EPS15: variants seen among roughly 807,000 people sequenced by gnomAD.
EPS15 encodes the protein epidermal growth factor receptor pathway substrate 15.
Under a neutral mutation model 113.8 loss-of-function variants are expected in EPS15, and 72 were observed. That is an observed-to-expected ratio of 0.63 (90% CI 0.52 to 0.77). The LOEUF is 0.77. Ranked by LOEUF, EPS15 falls within the 30% of genes least tolerant of loss-of-function variation. The pLI is 0.00. For synonymous variants in EPS15, 344 were observed against 363.4 expected, an observed-to-expected ratio of 0.95 and a Z score of 0.61; for missense variants, 1,048 against 1,045.8, an observed-to-expected ratio of 1.00 and a Z score of -0.03.
At chr1:51,390,220 T>C (rs1362822817) in intron 21 of EPS15, among the ~76,000 whole-genome samples, 1 of 152,152 alleles carries the variant, frequency 6.6e-6, no homozygotes, top group East Asian at 1.9e-4. Context: ...GAGGAAAGGA[T>C]TCCCTATTTA....
At chr1:51,463,966 A>G (rs945639246) in intron 6 of EPS15, among the ~76,000 whole-genome samples, 168 bp from the exon 7 acceptor site, 1 of 152,204 alleles carries the variant, frequency 6.6e-6, no homozygotes, top group African/African-American at 2.4e-5. Context: ...GATACGCAAG[A>G]AAAAAATACA....
intron 1 of EPS15, among the ~76,000 whole-genome samples, chr1:51,487,480 AC>A (rs1219246664): frequency 6.6e-6 from 1 of 152,146 alleles, no homozygotes; most frequent in Non-Finnish European, 1.5e-5. Context: ...TATTTGTAGT[AC>A]CCCCTTTCAT....
chr1:51,431,021 CACACACA>C (rs1452386083), intron 12 of EPS15, among the ~76,000 whole-genome samples: 23 of 129,548 alleles, frequency 1.8e-4, no homozygotes, highest in Non-Finnish European at 2.5e-4. Context: ...CACACACACA[CACACACA>C]AAAATAAAAC....
At chr1:51,386,460 C>T (rs953072587) in intron 21 of EPS15, among the ~76,000 whole-genome samples, 1 of 152,162 alleles carries the variant, frequency 6.6e-6, no homozygotes, top group Non-Finnish European at 1.5e-5. Flanking sequence ...GCAGCATTTG[C>T]GGTTCAAGAA....
At chr1:51,413,190 T>G (rs1435176702) in intron 13 of EPS15, among the ~76,000 whole-genome samples, 1 of 152,190 alleles carries the variant, frequency 6.6e-6, no homozygotes, top group Non-Finnish European at 1.5e-5. Flanking sequence ...ACACCATATG[T>G]ACCTGGAAAC....
At chr1:51,423,131 T>C (rs1570270751) in intron 12 of EPS15, 2 of 1,109,022 alleles carry the variant, frequency 1.8e-6, no homozygotes, top group African/African-American at 3.2e-5. Flanking sequence ...AAGATGTCTA[T>C]GGAAGAAAGC....
intron 8 of EPS15, among the ~76,000 whole-genome samples, chr1:51,456,844 T>A (rs925812310): frequency 5.3e-5 from 8 of 152,138 alleles, no homozygotes; most frequent in African/African-American, 1.9e-4. Context: ...TAAAGAAAGA[T>A]TTATCAGACA....
At chr1:51,406,199 G>A in intron 15 of EPS15, 91 bp from the exon 16 acceptor site, 3 of 1,063,970 alleles carry the variant, frequency 2.8e-6, no homozygotes, top group Non-Finnish European at 4.1e-6. Flanking sequence ...TGACGGGCTA[G>A]GTGTGGTAGC....
intron 1 of EPS15, among the ~76,000 whole-genome samples, chr1:51,508,723 A>G (rs758992597): frequency 1.3e-5 from 2 of 152,168 alleles, no homozygotes; most frequent in Non-Finnish European, 2.9e-5. Context: ...TTTGAAGTCT[A>G]TCCTTGAGTC....
rs1648678117 is a variant in EPS15, at chr1:51,402,520, A to C, written c.1797T>G (p.Asp599Glu). Reference sequence around the variant, plus strand: ...GCGAACTTGAGTCTACATTAAATGGATCTTCCTAAAAATAATTTTAAATTA... The same window carrying C: ...GCGAACTTGAGTCTACATTAAATGGCTCTTCCTAAAAATAATTTTAAATTA... Reference protein sequence around the residue: ...LDNNRHSKEEDPFNVDSSSLT... With the variant: ...LDNNRHSKEEEPFNVDSSSLT... The change falls in exon 18 of 25, where the codon GAT becomes GAG. Residue 599 changes from aspartate to glutamate, a missense_variant. Asp to Glu is a conservative substitution (Grantham distance 45). Transcript: ENST00000371733. 6.7e-7 allele frequency: 1 copy of C among 1,484,132 alleles called. No individual in the cohort carries two copies. The highest frequency in any genetic ancestry group is 9.2e-7 in the Non-Finnish European group (1 of 1,087,728). The allele number at this position is 1,484,132 out of a possible 1,614,324, so 91.9% of individuals were successfully genotyped here.
intron 12 of EPS15, among the ~76,000 whole-genome samples, chr1:51,435,891 C>A (rs913921146): frequency 6.6e-6 from 1 of 152,082 alleles, no homozygotes; most frequent in Non-Finnish European, 1.5e-5. Flanking sequence ...ATATTTAAGA[C>A]GGGTCTTGAA....
At chr1:51,406,171 A>T in intron 15 of EPS15, 63 bp from the exon 16 acceptor site, 1 of 1,415,730 alleles carries the variant, frequency 7.1e-7, no homozygotes, top group East Asian at 2.4e-5. Flanking sequence ...TAACATAAAA[A>T]CGCCCTCCTC....
intron 12 of EPS15, among the ~76,000 whole-genome samples, chr1:51,422,424 A>G (rs1177005401): frequency 1.3e-5 from 2 of 152,234 alleles, no homozygotes; most frequent in Non-Finnish European, 2.9e-5. Context: ...TACATCTCAA[A>G]AAAAGCTATT....
At chr1:51,461,352 C>T (rs1298505067) in intron 7 of EPS15, among the ~76,000 whole-genome samples, 1 of 151,412 alleles carries the variant, frequency 6.6e-6, no homozygotes, top group African/African-American at 2.4e-5. Flanking sequence ...CCCATCTCTA[C>T]AAAAGATAAA....
chr1:51,454,024 TGGGCGACA>T (rs1653780460), intron 8 of EPS15, among the ~76,000 whole-genome samples: 1 of 126,952 alleles, frequency 7.9e-6, no homozygotes. Flanking sequence ...CACTCCAGTC[TGGGCGACA>T]GAGTGAGACT....
Position 51,444,931 on chromosome 1 carries a change from A to C in EPS15, c.912T>G (p.Thr304=). 1 of 1,614,006 alleles carries C rather than the reference A, an allele frequency of 6.2e-7. No individual in the cohort carries two copies. Residue 304 remains threonine, a synonymous_variant, in exon 11 of 25, where the codon ACT becomes ACG. Transcript: ENST00000371733. Reference sequence around the variant, plus strand: ...TGTCTGATGGTGGAATCATTTCAGGAGTAAGAACGTGAGGAGGATCAATGC... The same window carrying C: ...TGTCTGATGGTGGAATCATTTCAGGCGTAAGAACGTGAGGAGGATCAATGC... ...IKGIDPPHVL[T]PEMIPPSDRA...
intron 23 of EPS15, 109 bp downstream of exon 23, chr1:51,363,757 T>C: frequency 7.4e-6 from 7 of 947,006 alleles, no homozygotes; most frequent in East Asian, 2.6e-5. Context: ...TTCTGACATA[T>C]GTTTGACTTG....
Position 51,356,676 on chromosome 1 carries a change from GT to G in EPS15, c.*23del. ...TATTCAGGAAGAAGAATACTATATTGTTGCCAAAGAACAAGAGAATTCTTCA... is the reference window on the plus strand; with the variant it reads ...TATTCAGGAAGAAGAATACTATATTGTGCCAAAGAACAAGAGAATTCTTCA... On this transcript the variant is annotated 3_prime_UTR_variant, in exon 25 of 25. Transcript: ENST00000371733. 6.2e-7 allele frequency: 1 copy of G among 1,607,478 alleles called. No individual in the cohort carries two copies. The highest frequency in any genetic ancestry group is 8.5e-7 in the Non-Finnish European group (1 of 1,175,176).
chr1:51,431,020 ACACACAC>A lies in EPS15; in HGVS notation c.1041-9169_1041-9163del, dbSNP rs1557462625. On this transcript the variant is annotated intron_variant, in intron 12 of 24. Coordinates refer to ENST00000371733, the MANE Select transcript of EPS15 (RefSeq NM_001981.3). ...CACACACACACACACACACACACAC[ACACACAC>A]AAAAATAAAACTTGCCTTAATTATA... Among the ~76,000 whole-genome samples the A allele has an allele frequency of 2.0e-4, 27 of 134,402 alleles. 1 individual carries two copies. Among genetic ancestry groups the A allele is most frequent in the African/African-American group, 6.3e-4 (22 of 34,658 alleles). 88.2% of individuals were successfully genotyped at this position (134,402 alleles called of 152,430 possible).
Sources: allele counts gnomAD v4.1 joint callset (sites outside exome capture counted in the v4.1 genomes callset), GRCh38; gene constraint gnomAD v4.1.1; transcripts MANE v1.5; gene names NCBI Gene and HGNC (gene_info 2026-07-23, HGNC 2026-07-21).